The following NRG3 variants were observed in gnomAD, a reference collection of about 807,000 sequenced individuals.
NRG3 encodes the protein pro-neuregulin-3, membrane-bound isoform.
In NRG3, 31 loss-of-function variants were observed where a neutral mutation model predicts 66.9. That is an observed-to-expected ratio of 0.46 (90% CI 0.35 to 0.63). The LOEUF (loss-of-function observed/expected upper bound fraction) is 0.63. NRG3 is among the 20% of genes least tolerant of loss of function. The pLI is 0.00. For missense variants in NRG3, 910 were observed against 878.9 expected (o/e 1.04, Z -0.45); for synonymous variants, 393 against 359.4 (o/e 1.09, Z -1.06).
Position 82,227,296 on chromosome 10 carries a change from G to T in NRG3, c.824-131443G>T, listed in dbSNP as rs377600678. 6.6e-5 allele frequency among the ~76,000 whole-genome samples: 10 copies of T among 152,202 alleles called. 1 individual carries two copies. The highest frequency in any genetic ancestry group is 2.2e-4 in the African/African-American group (9 of 41,538). ...TGGAACCATTCATTCTACTGTGGCTGTTGGGCTTTCTCTGTCTTTATAGAG... is the reference window on the plus strand; with the variant it reads ...TGGAACCATTCATTCTACTGTGGCTTTTGGGCTTTCTCTGTCTTTATAGAG... On this transcript the variant is annotated intron_variant, in intron 1 of 8. Coordinates refer to ENST00000372141, the MANE Select transcript of NRG3 (RefSeq NM_001010848.4).
chr10:82,238,919 T>C lies in NRG3; in HGVS notation c.824-119820T>C, dbSNP rs11193133. Among the ~76,000 whole-genome samples the C allele has an allele frequency of 2.1e-3, 300 of 142,066 alleles. 5 individuals are homozygous for C. The highest frequency in any genetic ancestry group is 7.1e-3 in the African/African-American group (266 of 37,402). The allele number at this position is 142,066 out of a possible 152,430, so 93.2% of individuals were successfully genotyped here. A position where few individuals can be genotyped will look rare whatever the true frequency, so the allele number is the denominator to read the frequency against. The stretch of plus-strand genomic sequence containing the variant: ...TTATTTTTAGGTTATACCGTATATA[T>C]ATATATATAATATTTATATAATATA... On this transcript the variant is annotated intron_variant, in intron 1 of 8. Coordinates refer to ENST00000372141, the MANE Select transcript of NRG3 (RefSeq NM_001010848.4).
At chr10:82,963,791 T>G (rs541921565) in intron 6 of NRG3, among the ~76,000 whole-genome samples, 2 of 152,156 alleles carry the variant, frequency 1.3e-5, no homozygotes, top group Non-Finnish European at 2.9e-5. Flanking sequence ...ATGAGGCAGT[T>G]AGGAACAAAA....
intron 1 of NRG3, among the ~76,000 whole-genome samples, chr10:82,322,270 C>T (rs1292127079): frequency 1.3e-5 from 2 of 152,086 alleles, no homozygotes; most frequent in Non-Finnish European, 2.9e-5. Context: ...GATAAAAATA[C>T]TAGAATTAAA....
chr10:82,862,225 T>C (rs2064166940), intron 3 of NRG3, among the ~76,000 whole-genome samples: 3 of 152,132 alleles, frequency 2.0e-5, no homozygotes, highest in African/African-American at 7.2e-5. Flanking sequence ...TGATACTCAG[T>C]ATGGGCTTGG....
chr10:82,183,813 G>A (rs1418749400), intron 1 of NRG3, among the ~76,000 whole-genome samples: 1 of 151,994 alleles, frequency 6.6e-6, no homozygotes, highest in African/African-American at 2.4e-5. Context: ...AACCTCAAAT[G>A]ACAAGTTGAG....
chr10:82,147,166 A>G (rs1266829993), intron 1 of NRG3, among the ~76,000 whole-genome samples: 1 of 152,160 alleles, frequency 6.6e-6, no homozygotes, highest in Non-Finnish European at 1.5e-5. Flanking sequence ...CAAATCACTA[A>G]CATCTATTAG....
At chr10:82,021,520 G>A (rs2062057884) in intron 1 of NRG3, among the ~76,000 whole-genome samples, 1 of 152,030 alleles carries the variant, frequency 6.6e-6, no homozygotes, top group Admixed American at 6.6e-5. Flanking sequence ...GTGGATTATG[G>A]CATTGGGTTA....
At chr10:82,123,018 A>G (rs948543567) in intron 1 of NRG3, among the ~76,000 whole-genome samples, 1 of 148,596 alleles carries the variant, frequency 6.7e-6, no homozygotes, top group Non-Finnish European at 1.5e-5. Flanking sequence ...AAAAAAAAAC[A>G]CATAAGAACA....
intron 3 of NRG3, among the ~76,000 whole-genome samples, chr10:82,808,193 C>G (rs138747848): frequency 8.5e-6 from 1 of 117,128 alleles, no homozygotes; most frequent in Admixed American, 8.3e-5. Flanking sequence ...TTTCTACACA[C>G]GTAGTAAAAA....
chr10:82,661,700 G>A (rs2052376513), intron 2 of NRG3, among the ~76,000 whole-genome samples: 1 of 152,220 alleles, frequency 6.6e-6, no homozygotes, highest in African/African-American at 2.4e-5. Flanking sequence ...AAGACCATGT[G>A]TGTGGCGTAT....
At chr10:82,242,665 A>C (rs1429678132) in intron 1 of NRG3, among the ~76,000 whole-genome samples, 1 of 152,178 alleles carries the variant, frequency 6.6e-6, no homozygotes, top group Non-Finnish European at 1.5e-5. Flanking sequence ...TTGTAGAAGA[A>C]GACTTTGGAA....
intron 1 of NRG3, among the ~76,000 whole-genome samples, chr10:82,296,681 C>G (rs1200231090): frequency 6.6e-6 from 1 of 152,052 alleles, no homozygotes; most frequent in Non-Finnish European, 1.5e-5. Context: ...CTCTTTTCTT[C>G]TAGCTGTTTT....
At chr10:82,458,720 A>G (rs2091381276) in intron 2 of NRG3, among the ~76,000 whole-genome samples, 1 of 152,172 alleles carries the variant, frequency 6.6e-6, no homozygotes, top group Non-Finnish European at 1.5e-5. Context: ...CCTACACCCA[A>G]CCTCATGCAG....
At chr10:82,144,398 A>G (rs1425889752) in intron 1 of NRG3, among the ~76,000 whole-genome samples, 2 of 152,180 alleles carry the variant, frequency 1.3e-5, no homozygotes, top group African/African-American at 4.8e-5. Flanking sequence ...CGCACGTCCC[A>G]GGAGTCCTGA....
chr10:82,673,404 ACT>A (rs1316114603), intron 2 of NRG3, among the ~76,000 whole-genome samples: 3 of 152,136 alleles, frequency 2.0e-5, no homozygotes, highest in African/African-American at 7.2e-5. Flanking sequence ...TAGGAACTTA[ACT>A]CTTATTTATA....
intron 2 of NRG3, among the ~76,000 whole-genome samples, chr10:82,398,023 A>G (rs1442578472): frequency 6.6e-6 from 1 of 152,174 alleles, no homozygotes; most frequent in African/African-American, 2.4e-5. Context: ...TGACCTGTCA[A>G]TCACTAGGTT....
At chr10:82,823,807 G>T (rs944986858) in intron 3 of NRG3, among the ~76,000 whole-genome samples, 3 of 152,062 alleles carry the variant, frequency 2.0e-5, no homozygotes, top group Admixed American at 1.3e-4. Context: ...CAGTTCACTT[G>T]TTCCCTAGAC....
At chr10:82,505,858 A>C (rs1395936040) in intron 2 of NRG3, among the ~76,000 whole-genome samples, 6 of 152,168 alleles carry the variant, frequency 3.9e-5, no homozygotes, top group African/African-American at 1.4e-4. Flanking sequence ...AGCTCATGCA[A>C]ATTTATACTA....
At position 82,171,615 on chromosome 10, in the gene NRG3, A is replaced by T. The variant is rs1246783957; in HGVS notation, c.824-187124A>T. ...TTAGTGGCTTAAGCAAAATAGAACT[A>T]CATATTTCTTCCATGTAGGAGTAGT... On this transcript the variant is annotated intron_variant, in intron 1 of 8. Transcript: ENST00000372141. Among the ~76,000 whole-genome samples, 2 of 152,154 alleles carry T rather than the reference A, an allele frequency of 1.3e-5. 1 individual carries two copies. The highest frequency in any genetic ancestry group is 4.1e-4 in the South Asian group (2 of 4,838).
Sources: allele counts gnomAD v4.1 joint callset (sites outside exome capture counted in the v4.1 genomes callset), GRCh38; gene constraint gnomAD v4.1.1; transcripts MANE v1.5; gene names NCBI Gene and HGNC (gene_info 2026-07-23, HGNC 2026-07-21).